Variants in CTNND2 observed in about 807,000 individuals in gnomAD.
The protein encoded by CTNND2 is catenin delta 2.
A neutral mutation model predicts 144.4 loss-of-function variants in CTNND2; 22 were observed. The observed-to-expected ratio is 0.15, with a 90% CI of 0.11 to 0.22. CTNND2 has a LOEUF of 0.22. Among genes scored for constraint, CTNND2 ranks in the 10% least tolerant of loss-of-function variants. CTNND2 has a pLI of 1.00. For synonymous variants in CTNND2, 751 were observed against 695.6 expected (o/e 1.08, Z -1.25); for missense variants, 1,353 against 1,618.8 (o/e 0.84, Z 2.82).
At chr5:11,238,521 T>C (rs1741877160) in intron 9 of CTNND2, among the ~76,000 whole-genome samples, 1 of 152,162 alleles carries the variant, frequency 6.6e-6, no homozygotes. Context: ...TTGGTAGAGG[T>C]TGTCAAGTAA....
chr5:11,760,359 G>A (rs1027647643), intron 1 of CTNND2, among the ~76,000 whole-genome samples: 12 of 151,864 alleles, frequency 7.9e-5, no homozygotes, highest in Non-Finnish European at 1.5e-4. Context: ...CTGGTTAAGG[G>A]GCCTATTACC....
At chr5:11,198,186 T>G (rs1044765539) in intron 11 of CTNND2, among the ~76,000 whole-genome samples, 1 of 152,228 alleles carries the variant, frequency 6.6e-6, no homozygotes, top group Non-Finnish European at 1.5e-5. Flanking sequence ...GATATCATAC[T>G]GTGTAGATAA....
At chr5:11,521,106 A>G (rs1297482054) in intron 3 of CTNND2, among the ~76,000 whole-genome samples, 1 of 152,252 alleles carries the variant, frequency 6.6e-6, no homozygotes, top group African/African-American at 2.4e-5. Context: ...TTACCATTTT[A>G]GAAATATAAT....
intron 11 of CTNND2, among the ~76,000 whole-genome samples, chr5:11,184,468 A>G (rs1230193417): frequency 6.6e-6 from 1 of 152,204 alleles, no homozygotes; most frequent in East Asian, 1.9e-4. Flanking sequence ...ACATGCATGA[A>G]AGCCAAATAC....
chr5:11,279,009 C>G (rs184304432), intron 9 of CTNND2, among the ~76,000 whole-genome samples: 1 of 152,098 alleles, frequency 6.6e-6, no homozygotes, highest in Non-Finnish European at 1.5e-5. Context: ...AGTAGACTAG[C>G]GTATAGACTG....
intron 2 of CTNND2, among the ~76,000 whole-genome samples, chr5:11,657,789 C>T (rs947874827): frequency 6.6e-6 from 1 of 152,000 alleles, no homozygotes; most frequent in African/African-American, 2.4e-5. Context: ...TTAAACTTAA[C>T]CCCAAGTCTC....
rs139448305 is a variant in CTNND2 at position 11,499,297 on chromosome 5, T to C, written c.287+65647A>G. ...CCTCTGAAAAATAGCTCTGATCTTG[T>C]CCACATTCTAGATGAGGATCACTTT... On this transcript the variant is annotated intron_variant, in intron 3 of 21. Coordinates refer to ENST00000304623, the MANE Select transcript of CTNND2 (RefSeq NM_001332.4). Among the ~76,000 whole-genome samples, 623 of 152,296 alleles carry C rather than the reference T, an allele frequency of 4.1e-3. 5 individuals are homozygous for C. The highest frequency in any genetic ancestry group is 0.013 in the African/African-American group (523 of 41,562).
Position 11,689,387 on chromosome 5 carries a change from C to T in CTNND2, c.174+42749G>A, listed in dbSNP as rs539814158. 1.4e-4 allele frequency among the ~76,000 whole-genome samples: 21 copies of T among 152,330 alleles called. No individual in the cohort carries two copies. In the South Asian group the frequency reaches 3.7e-3, roughly 27 times the overall value. ...TTAAAATCTCTCTTCTCTCCACATACATTTGTGAATTAGTTGTGTTGCCCT... is the reference window on the plus strand; with the variant it reads ...TTAAAATCTCTCTTCTCTCCACATATATTTGTGAATTAGTTGTGTTGCCCT... On this transcript the variant is annotated intron_variant, in intron 2 of 21. Coordinates refer to ENST00000304623, the MANE Select transcript of CTNND2 (RefSeq NM_001332.4).
chr5:11,615,432 G>C (rs1248745009), intron 2 of CTNND2, among the ~76,000 whole-genome samples: 1 of 152,074 alleles, frequency 6.6e-6, no homozygotes, highest in Non-Finnish European at 1.5e-5. Flanking sequence ...TAAAAATAAT[G>C]TAAGGCCATT....
chr5:11,517,075 G>A (rs1386370457), intron 3 of CTNND2, among the ~76,000 whole-genome samples: 2 of 152,078 alleles, frequency 1.3e-5, no homozygotes, highest in Non-Finnish European at 2.9e-5. Context: ...CAGATTTCAG[G>A]AAGTTCTAGT....
intron 1 of CTNND2, among the ~76,000 whole-genome samples, chr5:11,758,267 T>C (rs910593195): frequency 6.6e-6 from 1 of 151,986 alleles, no homozygotes; most frequent in African/African-American, 2.4e-5. Flanking sequence ...GGGAGTATGA[T>C]ATGATGTTTT....
intron 9 of CTNND2, among the ~76,000 whole-genome samples, chr5:11,262,735 C>A (rs1184249868): frequency 1.6e-5 from 2 of 125,892 alleles, no homozygotes; most frequent in African/African-American, 6.1e-5. Context: ...GCACTCCAGC[C>A]TGGGTGACAG....
chr5:11,750,068 C>T (rs1561761110), intron 1 of CTNND2, among the ~76,000 whole-genome samples: 1 of 151,872 alleles, frequency 6.6e-6, no homozygotes, highest in Non-Finnish European at 1.5e-5. Flanking sequence ...CAACTAGTAC[C>T]TTTCTGGTCT....
chr5:11,295,009 G>C (rs1483625235), intron 9 of CTNND2, among the ~76,000 whole-genome samples: 12 of 152,150 alleles, frequency 7.9e-5, no homozygotes, highest in Admixed American at 7.9e-4. Context: ...AGGAAATAAA[G>C]GGTATTCAAG....
intron 1 of CTNND2, chr5:11,902,905 T>C (rs1738023457): frequency 6.6e-6 from 1 of 152,162 alleles, no homozygotes; most frequent in African/African-American, 2.4e-5. Context: ...TAACTGTTAT[T>C]TGTGACACAC....
intron 1 of CTNND2, among the ~76,000 whole-genome samples, chr5:11,805,179 A>G (rs1387025103): frequency 1.3e-5 from 2 of 152,156 alleles, no homozygotes; most frequent in African/African-American, 4.8e-5. Flanking sequence ...CAACAGGAGG[A>G]GAACAGAATG....
At position 11,903,112 on chromosome 5, in the gene CTNND2, T is replaced by C. The variant is rs1326969639; in HGVS notation, c.37+705A>G. On this transcript the variant is annotated intron_variant, in intron 1 of 21. Coordinates refer to ENST00000304623, the MANE Select transcript of CTNND2 (RefSeq NM_001332.4). This position sits in a 1 kb window ranked among gnomAD's most constrained non-coding sequence, Gnocchi z 5.4. ...AAGCAGCTTCGCTTTCAGCCATTAA[T>C]TACGGATCACCCCAATTTTGCATCG... is the stretch of plus-strand genomic sequence containing the variant. 1 of 831,528 alleles carries C rather than the reference T, an allele frequency of 1.2e-6. No homozygotes were observed. The highest frequency in any genetic ancestry group is 1.5e-6 in the Non-Finnish European group (1 of 689,438). 51.5% of individuals were successfully genotyped at this position (831,528 alleles called of 1,614,324 possible). A position where few individuals can be genotyped will look rare whatever the true frequency, so the allele number is the denominator to read the frequency against.
chr5:11,669,032 T>C (rs138492439), intron 2 of CTNND2, among the ~76,000 whole-genome samples: 2,949 of 152,318 alleles, frequency 0.019, 95 homozygotes, highest in African/African-American at 0.066. Flanking sequence ...CATGTGGTTT[T>C]TGTCATTAGT....
At chr5:10,994,131 G>T (rs1400861543) in intron 18 of CTNND2, among the ~76,000 whole-genome samples, 1 of 147,958 alleles carries the variant, frequency 6.8e-6, no homozygotes, top group Non-Finnish European at 1.5e-5. Flanking sequence ...GCCACCCAAA[G>T]TCAAACAATA....
Sources: allele counts gnomAD v4.1 joint callset (sites outside exome capture counted in the v4.1 genomes callset), GRCh38; gene constraint gnomAD v4.1.1; non-coding constraint Gnocchi (gnomAD v3.1); transcripts MANE v1.5; gene names NCBI Gene and HGNC (gene_info 2026-07-23, HGNC 2026-07-21).